The following PARD3 variants were observed in gnomAD, a reference collection of about 807,000 sequenced individuals.
PARD3 encodes the protein par-3 family cell polarity regulator.
PARD3 carries 75 observed loss-of-function variants against 155.4 expected under a neutral mutation model. The ratio of observed to expected loss-of-function variants is 0.48; its 90% CI spans 0.40 to 0.58. The LOEUF (loss-of-function observed/expected upper bound fraction) is 0.58, where lower values mean the gene tolerates loss of function less well. PARD3 is among the 20% of genes least tolerant of loss of function. The pLI is 0.00. For missense variants in PARD3, 1,642 were observed against 1,721.7 expected (o/e 0.95, Z 0.82); for synonymous variants, 576 against 610.5 (o/e 0.94, Z 0.83).
chr10:34,121,485 T>TA (rs1275196083), intron 23 of PARD3, among the ~76,000 whole-genome samples: 1 of 152,200 alleles, frequency 6.6e-6, no homozygotes, highest in Non-Finnish European at 1.5e-5. Flanking sequence ...AAGCTAATGG[T>TA]AGACTTTGCC....
At chr10:34,561,607 C>T (rs1021770088) in intron 2 of PARD3, among the ~76,000 whole-genome samples, 9 of 151,866 alleles carry the variant, frequency 5.9e-5, no homozygotes, top group Non-Finnish European at 1.3e-4. Context: ...CAACCTCTGC[C>T]TCCTGGGTTC....
At chr10:34,705,241 G>A (rs1408192631) in intron 1 of PARD3, among the ~76,000 whole-genome samples, 1 of 152,174 alleles carries the variant, frequency 6.6e-6, no homozygotes, top group Non-Finnish European at 1.5e-5. Flanking sequence ...GAGGCAGGAG[G>A]ATTGCTTGAG....
At chr10:34,672,219 C>T (rs904070037) in intron 2 of PARD3, among the ~76,000 whole-genome samples, 6 of 152,172 alleles carry the variant, frequency 3.9e-5, no homozygotes, top group Non-Finnish European at 7.3e-5. Context: ...AGTATTTATG[C>T]ATAATTTTCA....
chr10:34,662,157 C>A (rs1467990265), intron 2 of PARD3, among the ~76,000 whole-genome samples: 1 of 152,076 alleles, frequency 6.6e-6, no homozygotes, highest in Non-Finnish European at 1.5e-5. Context: ...TTCCCTTTCC[C>A]CAACATCACC....
chr10:34,472,671 C>T (rs1258242880), intron 3 of PARD3, among the ~76,000 whole-genome samples: 1 of 152,144 alleles, frequency 6.6e-6, no homozygotes, highest in Non-Finnish European at 1.5e-5. Context: ...CTACAAGAGG[C>T]ACTATTAACT....
chr10:34,561,320 T>C (rs1423009247), intron 2 of PARD3, among the ~76,000 whole-genome samples: 13 of 152,166 alleles, frequency 8.5e-5, no homozygotes, highest in Admixed American at 7.2e-4. Context: ...GGGAATCTTA[T>C]CTTGTTAAAG....
intron 22 of PARD3, among the ~76,000 whole-genome samples, chr10:34,215,553 A>G (rs996944071): frequency 2.6e-5 from 4 of 152,222 alleles, no homozygotes; most frequent in African/African-American, 9.6e-5. Flanking sequence ...ATGAAACTTA[A>G]GGACAACTTG....
chr10:34,265,658 T>C (rs529926144), intron 22 of PARD3, among the ~76,000 whole-genome samples: 1 of 152,348 alleles, frequency 6.6e-6, no homozygotes, highest in East Asian at 1.9e-4. Flanking sequence ...AAGTTGCATG[T>C]TTCCACTTGA....
intron 1 of PARD3, among the ~76,000 whole-genome samples, chr10:34,812,014 GGA>G (rs1844244151): frequency 6.6e-6 from 1 of 152,092 alleles, no homozygotes; most frequent in South Asian, 2.1e-4. Flanking sequence ...CCATCTTTCA[GGA>G]GAGGAAAAAA....
Position 34,272,133 on chromosome 10 carries a change from A to T in PARD3, c.3177-2234T>A, listed in dbSNP as rs1415287834. ...ATAGGCAAAAAGAAAAGGAAAAATA[A>T]ATTTCATACCTTACTAAAAAATTAA... On this transcript the variant is annotated intron_variant, in intron 21 of 24. Coordinates refer to ENST00000374788, the MANE Select transcript of PARD3 (RefSeq NM_001184785.2). Among the ~76,000 whole-genome samples the T allele has an allele frequency of 2.0e-5, 3 of 152,194 alleles. No homozygotes were observed. In the East Asian group the frequency reaches 5.8e-4, roughly 29 times the overall value.
At chr10:34,245,728 T>C (rs1015110040) in intron 22 of PARD3, among the ~76,000 whole-genome samples, 1 of 152,006 alleles carries the variant, frequency 6.6e-6, no homozygotes, top group South Asian at 2.1e-4. Context: ...GCACAGGAGA[T>C]GGACAGGGTG....
chr10:34,751,572 A>G (rs1354090102), intron 1 of PARD3, among the ~76,000 whole-genome samples: 3 of 152,166 alleles, frequency 2.0e-5, no homozygotes, highest in Admixed American at 6.5e-5. Flanking sequence ...GCAGAGACAC[A>G]GACGTGGCTT....
chr10:34,630,977 G>A (rs1374613580), intron 2 of PARD3, among the ~76,000 whole-genome samples: 1 of 151,954 alleles, frequency 6.6e-6, no homozygotes, highest in African/African-American at 2.4e-5. Flanking sequence ...ACCACGCCTG[G>A]ATAACTGTTT....
chr10:34,612,982 A>T (rs2091018654), intron 2 of PARD3, among the ~76,000 whole-genome samples: 1 of 152,144 alleles, frequency 6.6e-6, no homozygotes, highest in South Asian at 2.1e-4. Context: ...ATAATTATCC[A>T]CAGTGTACAA....
chr10:34,415,199 G>C (rs1012095726), intron 5 of PARD3, among the ~76,000 whole-genome samples: 2 of 152,084 alleles, frequency 1.3e-5, no homozygotes, highest in African/African-American at 4.8e-5. Flanking sequence ...TCAGGAGGTG[G>C]GGAAGCCGTA....
chr10:34,688,559 C>T (rs1031184606), intron 2 of PARD3, among the ~76,000 whole-genome samples: 1 of 152,150 alleles, frequency 6.6e-6, no homozygotes, highest in African/African-American at 2.4e-5. Context: ...TCCAGAAACA[C>T]AGAGAAAGGA....
At chr10:34,613,899 T>C (rs2091078394) in intron 2 of PARD3, among the ~76,000 whole-genome samples, 1 of 152,176 alleles carries the variant, frequency 6.6e-6, no homozygotes. Context: ...AGCTACGAAT[T>C]TATCATCTAT....
chr10:34,782,572 A>G (rs1424130516), intron 1 of PARD3, among the ~76,000 whole-genome samples: 2 of 152,202 alleles, frequency 1.3e-5, no homozygotes, highest in Non-Finnish European at 2.9e-5. Context: ...TGATCGAAAG[A>G]CTTAACAGTA....
intron 1 of PARD3, among the ~76,000 whole-genome samples, chr10:34,730,319 A>G (rs1360627993): frequency 6.6e-6 from 1 of 152,186 alleles, no homozygotes; most frequent in Non-Finnish European, 1.5e-5. Context: ...TTCCTAAAGG[A>G]TAAATTAACC....
Sources: allele counts gnomAD v4.1 joint callset (sites outside exome capture counted in the v4.1 genomes callset), GRCh38; gene constraint gnomAD v4.1.1; transcripts MANE v1.5; gene names NCBI Gene and HGNC (gene_info 2026-07-23, HGNC 2026-07-21).